PRKN: variants seen among roughly 807,000 people sequenced by gnomAD.
PRKN encodes parkin RBR E3 ubiquitin protein ligase, also known as E3 ubiquitin-protein ligase parkin.
In PRKN, 56 loss-of-function variants were observed where a neutral mutation model predicts 59.5. That is an observed-to-expected ratio of 0.94 (90% CI 0.76 to 1.18). The LOEUF (loss-of-function observed/expected upper bound fraction) is 1.18, where lower values mean the gene tolerates loss of function less well. PRKN is among the 50% of genes most tolerant of loss of function. The pLI, the probability that PRKN is intolerant of heterozygous loss-of-function variation, is 0.00. For synonymous variants in PRKN, 250 were observed against 222.1 expected (o/e 1.13, Z -1.12); for missense variants, 657 against 596.4 (o/e 1.10, Z -1.06).
At chr6:162,006,372 A>G (rs1782253713) in intron 5 of PRKN, among the ~76,000 whole-genome samples, 1 of 152,206 alleles carries the variant, frequency 6.6e-6, no homozygotes, top group Non-Finnish European at 1.5e-5. Flanking sequence ...TGTCAACCAG[A>G]TTCCACATTC....
intron 6 of PRKN, among the ~76,000 whole-genome samples, chr6:161,795,521 C>T (rs375139996): frequency 1.2e-4 from 18 of 152,236 alleles, no homozygotes; most frequent in East Asian, 1.2e-3. Flanking sequence ...TGTGAGCCAC[C>T]GAGTCCAGCC....
intron 1 of PRKN, among the ~76,000 whole-genome samples, chr6:162,686,438 T>C (rs1777556515): frequency 1.3e-5 from 2 of 152,218 alleles, no homozygotes; most frequent in South Asian, 4.2e-4. Context: ...TTGTTTTTCT[T>C]TTGTGGGGTG....
In PRKN at chr6:161,554,711, A is replaced by ATT. The variant is rs1401340570; in HGVS notation, c.934-5710_934-5709dup. On this transcript the variant is annotated intron_variant, in intron 8 of 11. Transcript: ENST00000366898. The surrounding 1 kb of genome is among the most constrained non-coding windows in gnomAD (Gnocchi z 4.5). ...ATACAATCCTGATATACATACAGGGATTGTGTGTGTGTGTGTGTGTGTGTA... is the reference window on the plus strand; with the variant it reads ...ATACAATCCTGATATACATACAGGGATTTTGTGTGTGTGTGTGTGTGTGTGTA... Among the ~76,000 whole-genome samples, 2 of 101,856 alleles carry ATT rather than the reference A, an allele frequency of 2.0e-5. No individual in the cohort carries two copies. Among genetic ancestry groups the ATT allele is most frequent in the Admixed American group, 2.2e-4 (2 of 9,204 alleles). 66.8% of individuals were successfully genotyped at this position (101,856 alleles called of 152,430 possible).
rs1366736806 is a variant in PRKN, at chr6:161,393,096, C to A, written c.1084-6219G>T. Among the ~76,000 whole-genome samples, 2 of 152,084 alleles carry A rather than the reference C, an allele frequency of 1.3e-5. No individual in the cohort carries two copies. The highest frequency in any genetic ancestry group is 4.8e-5 in the African/African-American group (2 of 41,364). ...TATTATCTGTGTGATCCCAACATCT[C>A]TTTGCTTGAGCTTTTTTGCATCTAC... On this transcript the variant is annotated intron_variant, in intron 9 of 11. Coordinates refer to ENST00000366898, the MANE Select transcript of PRKN (RefSeq NM_004562.3). The surrounding 1 kb of genome is among the most constrained non-coding windows in gnomAD (Gnocchi z 4.7).
chr6:162,290,922 GCTCA>G (rs1436950082), intron 2 of PRKN, among the ~76,000 whole-genome samples: 7 of 152,156 alleles, frequency 4.6e-5, no homozygotes, highest in Non-Finnish European at 1.5e-5. Flanking sequence ...CCAGTTAAGT[GCTCA>G]CTTTCATAGC....
intron 7 of PRKN, among the ~76,000 whole-genome samples, chr6:161,655,657 G>A (rs1784318241): frequency 6.6e-6 from 1 of 152,160 alleles, no homozygotes; most frequent in South Asian, 2.1e-4. Flanking sequence ...GAATCAACTG[G>A]ATACTGTCAA....
At chr6:162,168,828 A>G (rs1783115791) in intron 4 of PRKN, among the ~76,000 whole-genome samples, 2 of 152,198 alleles carry the variant, frequency 1.3e-5, no homozygotes, top group South Asian at 2.1e-4. Flanking sequence ...TTAAAAATGC[A>G]TGAACCATTC....
At chr6:162,426,589 C>T (rs1310667097) in intron 2 of PRKN, among the ~76,000 whole-genome samples, 4 of 152,124 alleles carry the variant, frequency 2.6e-5, no homozygotes, top group African/African-American at 9.7e-5. Context: ...GCTGGGACTA[C>T]AGGTGCACCA....
chr6:161,585,608 A>C (rs1781494638), intron 7 of PRKN, among the ~76,000 whole-genome samples: 1 of 152,332 alleles, frequency 6.6e-6, no homozygotes, highest in Admixed American at 6.5e-5. Flanking sequence ...GCTCAAACCG[A>C]ATAAGAATTT....
rs7768959 is a variant in PRKN, at chr6:161,941,839, G to A, written c.734+31463C>T. On this transcript the variant is annotated intron_variant, in intron 6 of 11. Coordinates refer to ENST00000366898, the MANE Select transcript of PRKN (RefSeq NM_004562.3). ...ATACCTGGTTATAAATATTGCTGGA[G>A]ACCATAATAAAGAGATGGATCATAG... Among the ~76,000 whole-genome samples the A allele has an allele frequency of 9.4e-3, 1,432 of 152,218 alleles. 25 individuals are homozygous for A. Among genetic ancestry groups the A allele is most frequent in the African/African-American group, 0.033 (1,355 of 41,528 alleles).
chr6:161,797,227 GTCTTT>G (rs897305342), intron 6 of PRKN, among the ~76,000 whole-genome samples: 1 of 152,038 alleles, frequency 6.6e-6, no homozygotes, highest in Non-Finnish European at 1.5e-5. Flanking sequence ...CGTATGCTGG[GTCTTT>G]TCTTTTCTTT....
intron 6 of PRKN, among the ~76,000 whole-genome samples, chr6:161,932,868 G>A (rs985263892): frequency 9.2e-5 from 14 of 152,004 alleles, no homozygotes; most frequent in African/African-American, 3.1e-4. Flanking sequence ...TAAAGCAGCA[G>A]TTCTCAACAT....
In PRKN at chr6:161,475,839, C is replaced by T. The variant is rs992272705; in HGVS notation, c.1083+73015G>A. ...AAAAACCATGAATTTCTTTTTATTA[C>T]TCTGATAACTGCATTTTCCTTTCAA... On this transcript the variant is annotated intron_variant, in intron 9 of 11. Transcript: ENST00000366898. The surrounding 1 kb of genome is among the most constrained non-coding windows in gnomAD (Gnocchi z 5.3). Among the ~76,000 whole-genome samples, 5 of 152,034 alleles carry T rather than the reference C, an allele frequency of 3.3e-5. No individual in the cohort carries two copies. Among genetic ancestry groups the T allele is most frequent in the African/African-American group, 1.2e-4 (5 of 41,428 alleles).
intron 1 of PRKN, among the ~76,000 whole-genome samples, chr6:162,488,994 C>A (rs1017801176): frequency 2.6e-5 from 4 of 152,072 alleles, no homozygotes; most frequent in African/African-American, 9.7e-5. Flanking sequence ...GATAAGCCAC[C>A]ACTCCTGAAA....
intron 6 of PRKN, among the ~76,000 whole-genome samples, chr6:161,821,719 C>CTTTTTTTTTTTTTTTTTTTTTTTT (rs531807176): frequency 1.5e-5 from 1 of 64,706 alleles, no homozygotes. Flanking sequence ...CACTGGTGTT[C>CTTTTTTTTTTTTTTTTTTTTTTTT]TTTTTTTTTT....
At chr6:161,650,512 T>C (rs1784112800) in intron 7 of PRKN, among the ~76,000 whole-genome samples, 1 of 151,388 alleles carries the variant, frequency 6.6e-6, no homozygotes, top group African/African-American at 2.4e-5. Context: ...AGAGAGAGAT[T>C]GAGAGAAAGA....
chr6:162,538,558 A>G (rs1191817364), intron 1 of PRKN, among the ~76,000 whole-genome samples: 1 of 152,320 alleles, frequency 6.6e-6, no homozygotes, highest in African/African-American at 2.4e-5. Context: ...AAATTCATCC[A>G]GTAGTCAGTC....
chr6:162,281,668 TAGA>T (rs958076347), intron 2 of PRKN, among the ~76,000 whole-genome samples: 1 of 152,158 alleles, frequency 6.6e-6, no homozygotes, highest in Non-Finnish European at 1.5e-5. Flanking sequence ...ATGGTTTAAA[TAGA>T]AGAATTATAG....
At position 161,630,829 on chromosome 6, in the gene PRKN, C is replaced by T. The variant is rs140218184; in HGVS notation, c.872-61413G>A. Reference sequence around the variant, plus strand: ...TGCCAGCAAAGGGCTTGTAAAAGACCACACAGTGACAGTCAACCACTTGGG... The same window carrying T: ...TGCCAGCAAAGGGCTTGTAAAAGACTACACAGTGACAGTCAACCACTTGGG... On this transcript the variant is annotated intron_variant, in intron 7 of 11. Coordinates refer to ENST00000366898, the MANE Select transcript of PRKN (RefSeq NM_004562.3). Among the ~76,000 whole-genome samples the T allele has an allele frequency of 1.8e-3, 271 of 152,276 alleles. 1 individual carries two copies. The highest frequency in any genetic ancestry group is 6.1e-3 in the African/African-American group (255 of 41,542).
Sources: gnomAD v4.1 joint callset for allele counts (sites outside exome capture counted in the v4.1 genomes callset) on GRCh38, gnomAD v4.1.1 for gene constraint, Gnocchi (gnomAD v3.1) non-coding constraint, MANE v1.5 for transcripts, NCBI Gene and HGNC (gene_info 2026-07-23, HGNC 2026-07-21) for gene names.